TMEM204: variants seen among roughly 807,000 people sequenced by gnomAD.
TMEM204 encodes the protein claudin-like protein 24.
TMEM204 carries 15 observed loss-of-function variants against 19.4 expected under a neutral mutation model. The observed-to-expected ratio is 0.77, with a 90% CI of 0.52 to 1.19. The LOEUF (loss-of-function observed/expected upper bound fraction) is 1.19, where lower values mean the gene tolerates loss of function less well. Among genes scored for constraint, TMEM204 ranks in the 50% most tolerant of loss-of-function variants. TMEM204 has a pLI of 0.00. For missense variants in TMEM204, 287 were observed against 321.2 expected (o/e 0.89, Z 0.81); for synonymous variants, 161 against 146.0 (o/e 1.10, Z -0.74).
chr16:1,540,924 C>T (rs967754971), intron 1 of TMEM204: 1 of 985,328 alleles, frequency 1.0e-6, no homozygotes, highest in African/African-American at 1.7e-5. Flanking sequence ...TGTCAGCACA[C>T]ACATTGTCTG....
intron 1 of TMEM204, among the ~76,000 whole-genome samples, chr16:1,540,118 C>A (rs1199877847): frequency 6.6e-6 from 1 of 152,158 alleles, no homozygotes; most frequent in Non-Finnish European, 1.5e-5. Context: ...TGCTGGGACG[C>A]CGAAAGCCTA....
Position 1,541,939 on chromosome 16 carries a change from G to A in TMEM204, c.299G>A (p.Arg100His), listed in dbSNP as rs1567348734. Reference protein sequence around the residue: ...GTVKLQFDMMRACNLVATAAL... With the variant: ...GTVKLQFDMMHACNLVATAAL... ...CCCACAGTGCAGTTCGACATGATGC[G>A]CGCCTGCAACCTGGTGGCCACGGCC... is the stretch of plus-strand genomic sequence containing the variant. The change falls in exon 2 of 3, where the codon CGC (arginine) becomes CAC (histidine). Residue 100 changes from arginine to histidine, a missense_variant. Physicochemically the swap from Arg to His is conservative, Grantham distance 29. Coordinates refer to ENST00000566264, the MANE Select transcript of TMEM204 (RefSeq NM_024600.6). 4 of 1,606,232 alleles carry A rather than the reference G, an allele frequency of 2.5e-6. No homozygotes were observed. The highest frequency in any genetic ancestry group is 3.4e-6 in the Non-Finnish European group (4 of 1,177,128).
chr16:1,547,239 C>T (rs1455291405), intron 2 of TMEM204, among the ~76,000 whole-genome samples: 1 of 152,202 alleles, frequency 6.6e-6, no homozygotes, highest in Non-Finnish European at 1.5e-5. Context: ...ACCAGAAGGA[C>T]ACTAGAAAGG....
At chr16:1,542,221 A>G in intron 2 of TMEM204, 145 bp downstream of exon 2, 1 of 879,792 alleles carries the variant, frequency 1.1e-6, no homozygotes, top group East Asian at 3.0e-5. Flanking sequence ...GAGAAGCCCC[A>G]TGGGGCATCC....
In TMEM204 at chr16:1,553,842, A is replaced by C. The variant is rs557610518; in HGVS notation, c.437-940A>C. ...GACGCCCGGCTCCATCGCTGCGGCC[A>C]CAGTGTCCTGTTATCCTAGTTGGTA... On this transcript the variant is annotated intron_variant, in intron 2 of 2. Transcript: ENST00000566264. This position sits in a 1 kb window ranked among gnomAD's most constrained non-coding sequence, Gnocchi z 4.4. 2.3e-5 allele frequency: 28 copies of C among 1,217,990 alleles called. No homozygotes were observed. The highest frequency in any genetic ancestry group is 7.4e-4 in the Middle Eastern group (2 of 2,714). The allele number at this position is 1,217,990 out of a possible 1,614,324, so 75.4% of individuals were successfully genotyped here. A position where few individuals can be genotyped will look rare whatever the true frequency, so the allele number is the denominator to read the frequency against.
intron 2 of TMEM204, chr16:1,554,126 G>A (rs2032898468): frequency 7.8e-7 from 1 of 1,287,010 alleles, no homozygotes; most frequent in Non-Finnish European, 1.0e-6. Flanking sequence ...CGGAAGTGAG[G>A]GAAGACACCA....
Position 1,534,418 on chromosome 16 carries a change from C to G in TMEM204, c.143C>G (p.Ser48Cys). 3 of 1,612,512 alleles carry G rather than the reference C, an allele frequency of 1.9e-6. No homozygotes were observed. The highest frequency in any genetic ancestry group is 2.5e-6 in the Non-Finnish European group (3 of 1,179,798). The change falls in exon 1 of 3, where the codon TCC becomes TGC. Residue 48 changes from serine to cysteine, a missense_variant. Coordinates refer to ENST00000566264, the MANE Select transcript of TMEM204 (RefSeq NM_024600.6). ...AGGCGCAGCGTGGGGCTGTGGAGGT[C>G]CTGCTGGCTGGTGGACAGGACCCGG... ...GRRRSVGLWR[S>C]CWLVDRTRGG...
chr16:1,553,897 G>A lies in TMEM204; in HGVS notation c.437-885G>A, dbSNP rs2032880513. On this transcript the variant is annotated intron_variant, in intron 2 of 2. Coordinates refer to ENST00000566264, the MANE Select transcript of TMEM204 (RefSeq NM_024600.6). This position sits in a 1 kb window ranked among gnomAD's most constrained non-coding sequence, Gnocchi z 4.4. The stretch of plus-strand genomic sequence containing the variant: ...CTAGTCACGAAACCCTGATTTTCCT[G>A]TTGTAAGAACTAAAAAGGTCTTTGG... 1 of 1,269,664 alleles carries A rather than the reference G, an allele frequency of 7.9e-7. No homozygotes were observed. Among genetic ancestry groups the A allele is most frequent in the Non-Finnish European group, 1.0e-6 (1 of 977,426 alleles). The allele number at this position is 1,269,664 out of a possible 1,614,324, so 78.6% of individuals were successfully genotyped here.
At chr16:1,554,083 A>T (rs895744451) in intron 2 of TMEM204, 3 of 1,286,936 alleles carry the variant, frequency 2.3e-6, no homozygotes, top group African/African-American at 3.0e-5. Flanking sequence ...TCTGCCAGGG[A>T]GGAGGGAGGG....
At chr16:1,552,050 C>A (rs1425062008) in intron 2 of TMEM204, among the ~76,000 whole-genome samples, 1 of 152,146 alleles carries the variant, frequency 6.6e-6, no homozygotes, top group Non-Finnish European at 1.5e-5. Flanking sequence ...GGAGGTTGAC[C>A]CTGGAAGCCA....
intron 2 of TMEM204, 34 bp downstream of exon 2, chr16:1,542,110 T>A: frequency 6.5e-7 from 1 of 1,545,146 alleles, no homozygotes; most frequent in South Asian, 1.2e-5. Flanking sequence ...CACCGCGCCC[T>A]TGCCCCCTGT....
chr16:1,551,291 T>A lies in TMEM204; in HGVS notation c.437-3491T>A, dbSNP rs1459241182. Reference sequence around the variant, plus strand: ...ACACAATGACCACGGCTGGCAGGGGTGGGCAGGTGCAACTCTAAGCCGAGG... The same window carrying A: ...ACACAATGACCACGGCTGGCAGGGGAGGGCAGGTGCAACTCTAAGCCGAGG... On this transcript the variant is annotated intron_variant, in intron 2 of 2. Coordinates refer to ENST00000566264, the MANE Select transcript of TMEM204 (RefSeq NM_024600.6). The surrounding 1 kb of genome is among the most constrained non-coding windows in gnomAD (Gnocchi z 4.0). Among the ~76,000 whole-genome samples, 1 of 151,196 alleles carries A rather than the reference T, an allele frequency of 6.6e-6. No homozygotes were observed. The highest frequency in any genetic ancestry group is 2.4e-5 in the African/African-American group (1 of 41,054).
rs2235647 is a variant in TMEM204 at position 1,551,330 on chromosome 16, C to A, written c.437-3452C>A. On this transcript the variant is annotated intron_variant, in intron 2 of 2. Coordinates refer to ENST00000566264, the MANE Select transcript of TMEM204 (RefSeq NM_024600.6). This position sits in a 1 kb window ranked among gnomAD's most constrained non-coding sequence, Gnocchi z 4.0. ...TCTAAGCCGAGGCCCGAAGGATCAG[C>A]AGCAGGAGGGGCCCCTCCTCCCCAG... is the stretch of plus-strand genomic sequence containing the variant. 0.37 allele frequency among the ~76,000 whole-genome samples: 55,978 copies of A among 151,776 alleles called. 12,229 individuals are homozygous for A. Among genetic ancestry groups the A allele is most frequent in the African/African-American group, 0.61 (25,221 of 41,362 alleles).
upstream of TMEM204, among the ~76,000 whole-genome samples, chr16:1,529,470 G>A (rs370879011): frequency 2.0e-5 from 3 of 152,240 alleles, no homozygotes; most frequent in Non-Finnish European, 2.9e-5. Flanking sequence ...AGGTGACACC[G>A]GGTGCATGGG....
At chr16:1,536,946 A>C (rs2031132580) in intron 1 of TMEM204, among the ~76,000 whole-genome samples, 1 of 152,186 alleles carries the variant, frequency 6.6e-6, no homozygotes, top group South Asian at 2.1e-4. Flanking sequence ...CTTTCTGCAA[A>C]ATCCTGCCGT....
intron 2 of TMEM204, among the ~76,000 whole-genome samples, chr16:1,543,401 C>T (rs1047855259): frequency 6.6e-6 from 1 of 152,156 alleles, no homozygotes; most frequent in East Asian, 1.9e-4. Flanking sequence ...CGAGTCAGGC[C>T]GGGCTCTCTG....
intron 2 of TMEM204, among the ~76,000 whole-genome samples, chr16:1,546,830 G>A: frequency 6.6e-6 from 1 of 152,228 alleles, no homozygotes; most frequent in Non-Finnish European, 1.5e-5. Flanking sequence ...CTGTACTTGG[G>A]TTGAGTCATA....
chr16:1,533,132 C>T (rs1433352881), upstream of TMEM204: 2 of 152,618 alleles, frequency 1.3e-5, no homozygotes, highest in Non-Finnish European at 2.9e-5. This position sits in a 1 kb window ranked among gnomAD's most constrained non-coding sequence, Gnocchi z 4.7. Flanking sequence ...AGGTCCCTGG[C>T]CCCGAGGTCC....
chr16:1,545,046 T>G (rs2032049180), intron 2 of TMEM204, among the ~76,000 whole-genome samples: 1 of 152,262 alleles, frequency 6.6e-6, no homozygotes, highest in Non-Finnish European at 1.5e-5. Context: ...GCTTACTTCC[T>G]GCAAAATCTT....
Sources: allele counts gnomAD v4.1 joint callset (sites outside exome capture counted in the v4.1 genomes callset), GRCh38; gene constraint gnomAD v4.1.1; non-coding constraint Gnocchi (gnomAD v3.1); transcripts MANE v1.5; gene names NCBI Gene and HGNC (gene_info 2026-07-23, HGNC 2026-07-21).